ARSK: variants seen among roughly 807,000 people sequenced by gnomAD.
The protein encoded by ARSK is arylsulfatase K.
In ARSK, 37 loss-of-function variants were observed where a neutral mutation model predicts 53.2. The observed-to-expected ratio is 0.70, with a 90% CI of 0.54 to 0.92. The LOEUF is 0.92. Ranked by LOEUF, ARSK falls within the 40% of genes least tolerant of loss-of-function variation. The probability of loss-of-function intolerance (pLI) is 0.00; values close to 1 mark genes in which losing one functional copy is unlikely to be tolerated. For synonymous variants in ARSK, 208 were observed against 223.2 expected, an observed-to-expected ratio of 0.93 and a Z score of 0.61; for missense variants, 613 against 643.0, an observed-to-expected ratio of 0.95 and a Z score of 0.51.
chr5:95,566,825 T>G (rs1201025889), intron 2 of ARSK, among the ~76,000 whole-genome samples: 1 of 152,162 alleles, frequency 6.6e-6, no homozygotes, highest in Non-Finnish European at 1.5e-5. Context: ...TGGCACTCAG[T>G]GATTTGGTTT....
chr5:95,562,231 T>TA (rs33977568), intron 1 of ARSK, among the ~76,000 whole-genome samples: 40,977 of 151,844 alleles, frequency 0.27, 7,816 homozygotes, highest in African/African-American at 0.54. Context: ...AATAAAAATT[T>TA]AAAATTAAAT....
intron 3 of ARSK, among the ~76,000 whole-genome samples, chr5:95,579,921 A>G (rs1748993502): frequency 6.6e-6 from 1 of 152,202 alleles, no homozygotes; most frequent in South Asian, 2.1e-4. Flanking sequence ...GTGTGTAATG[A>G]GAGAATGAGA....
rs1425060939 is a variant in ARSK, at chr5:95,555,353, G to A, written c.75G>A (p.Arg25=). The change falls in exon 1 of 8, where the codon AGG becomes AGA. Residue 25 remains arginine, a synonymous_variant. Transcript: ENST00000380009. This position sits in a 1 kb window ranked among gnomAD's most constrained non-coding sequence, Gnocchi z 4.0. ...TGGCCCCCGGAGCAGGGGAGCAGAG[G>A]CGGAGAGCAGCCAAAGCGCCCAATG... ...AVLAPGAGEQ[R]RRAAKAPNVV... 3 of 1,610,152 alleles carry A rather than the reference G, an allele frequency of 1.9e-6. No homozygotes were observed. The African/African-American group carries it at 4.0e-5, about 22-fold the overall frequency.
At chr5:95,584,152 C>T (rs1749068721) in intron 4 of ARSK, among the ~76,000 whole-genome samples, 1 of 152,146 alleles carries the variant, frequency 6.6e-6, no homozygotes, top group African/African-American at 2.4e-5. Context: ...GACTTCTCTT[C>T]ATTATCTGTT....
intron 3 of ARSK, among the ~76,000 whole-genome samples, chr5:95,577,496 C>T (rs1251117320): frequency 6.6e-6 from 1 of 152,178 alleles, no homozygotes; most frequent in Non-Finnish European, 1.5e-5. Flanking sequence ...TCATTAAGCA[C>T]CTGCCTGGAT....
chr5:95,591,459 C>T lies in ARSK; in HGVS notation c.930C>T (p.Tyr310=), dbSNP rs751846807. 15 of 1,614,042 alleles carry T rather than the reference C, an allele frequency of 9.3e-6. No homozygotes were observed. In the South Asian group the frequency reaches 1.3e-4, roughly 14 times the overall value. Residue 310 remains tyrosine (Y), a synonymous_variant, in exon 6 of 8, where the codon TAC becomes TAT. Coordinates refer to ENST00000380009, the MANE Select transcript of ARSK (RefSeq NM_198150.3). ...TTCTTCAGAAAACTATTGTCATATA[C>T]TCCTCAGACCATGGAGAGCTGGCCA... ...LDLLQKTIVI[Y]SSDHGELAME...
At chr5:95,600,195 T>G (rs1749379165) in intron 6 of ARSK, among the ~76,000 whole-genome samples, 1 of 152,210 alleles carries the variant, frequency 6.6e-6, no homozygotes, top group South Asian at 2.1e-4. Flanking sequence ...CCTGAAAGCA[T>G]GTTTTTCAAG....
At chr5:95,589,330 A>C (rs150451605) in intron 5 of ARSK, among the ~76,000 whole-genome samples, 1,617 of 152,320 alleles carry the variant, frequency 0.011, 29 homozygotes, top group African/African-American at 0.037. Context: ...CAGGTTTGTT[A>C]CATAGGTAAA....
intron 3 of ARSK, among the ~76,000 whole-genome samples, chr5:95,579,531 T>C (rs781179611): frequency 1.1e-4 from 16 of 152,086 alleles, no homozygotes; most frequent in Non-Finnish European, 1.9e-4. Flanking sequence ...TTACAATGAG[T>C]CCCATCAGGT....
intron 1 of ARSK, among the ~76,000 whole-genome samples, chr5:95,564,357 C>T (rs551253500): frequency 1.8e-4 from 28 of 152,272 alleles, no homozygotes; most frequent in Admixed American, 1.4e-3. Context: ...AATGATTACT[C>T]TTGCTAGAAG....
intron 3 of ARSK, among the ~76,000 whole-genome samples, chr5:95,569,964 T>C (rs1485544384): frequency 6.6e-6 from 1 of 152,214 alleles, no homozygotes; most frequent in African/African-American, 2.4e-5. Flanking sequence ...TCAGTTCTAC[T>C]TCTGAATTAT....
intron 3 of ARSK, among the ~76,000 whole-genome samples, chr5:95,568,955 C>T (rs2112418807): frequency 6.6e-6 from 1 of 152,306 alleles, no homozygotes; most frequent in Non-Finnish European, 1.5e-5. Context: ...TGTGTCGTCG[C>T]AATTTGATGG....
rs1201744409 is a variant in ARSK, at chr5:95,566,055, T to G, written c.184T>G (p.Phe62Val). ...GGTAGTGAAACTTCCTTTTATCAAC[T>G]TTATGAAGACACGTGGGACTTCCTT... ...SQVVKLPFINFMKTRGTSFLN... is the reference protein window; with the variant it reads ...SQVVKLPFINVMKTRGTSFLN... The change falls in exon 2 of 8, where the codon TTT (phenylalanine) becomes GTT (valine). Residue 62 changes from phenylalanine (F) to valine (V), a missense_variant. Coordinates refer to ENST00000380009, the MANE Select transcript of ARSK (RefSeq NM_198150.3). 3.7e-6 allele frequency: 6 copies of G among 1,613,592 alleles called. No individual in the cohort carries two copies. The highest frequency in any genetic ancestry group is 4.5e-5 in the East Asian group (2 of 44,838).
At chr5:95,597,841 C>T (rs181435931) in intron 6 of ARSK, among the ~76,000 whole-genome samples, 1 of 150,510 alleles carries the variant, frequency 6.6e-6, no homozygotes, top group Non-Finnish European at 1.5e-5. Context: ...TTGCAGTGAG[C>T]CAAGATTGCG....
chr5:95,579,956 T>C (rs1363403184), intron 3 of ARSK, among the ~76,000 whole-genome samples: 1 of 152,226 alleles, frequency 6.6e-6, no homozygotes, highest in African/African-American at 2.4e-5. Flanking sequence ...AACGTCTTAC[T>C]GTTATTACGA....
At chr5:95,594,198 C>T (rs1365939014) in intron 6 of ARSK, among the ~76,000 whole-genome samples, 1 of 151,964 alleles carries the variant, frequency 6.6e-6, no homozygotes, top group Non-Finnish European at 1.5e-5. Flanking sequence ...TTCTATTAAC[C>T]AGATGTTAAC....
intron 6 of ARSK, 121 bp from the exon 7 acceptor site, chr5:95,600,726 A>G: frequency 9.9e-7 from 1 of 1,013,378 alleles, no homozygotes; most frequent in South Asian, 1.3e-5. Context: ...AAATCCATAT[A>G]CAATCTCCAG....
intron 5 of ARSK, among the ~76,000 whole-genome samples, chr5:95,590,423 T>C (rs1749192690): frequency 6.6e-6 from 1 of 152,034 alleles, no homozygotes; most frequent in South Asian, 2.1e-4. Context: ...AGTGGGCATC[T>C]ATGAAAAAGT....
intron 6 of ARSK, among the ~76,000 whole-genome samples, chr5:95,594,677 T>A (rs1454631701): frequency 6.6e-6 from 1 of 152,048 alleles, no homozygotes; most frequent in Non-Finnish European, 1.5e-5. Context: ...CTGTCTCTAC[T>A]AAAAATGCAA....
Sources: allele counts gnomAD v4.1 joint callset (sites outside exome capture counted in the v4.1 genomes callset), GRCh38; gene constraint gnomAD v4.1.1; non-coding constraint Gnocchi (gnomAD v3.1); transcripts MANE v1.5; gene names NCBI Gene and HGNC (gene_info 2026-07-23, HGNC 2026-07-21).